Variants in PYROXD1 observed in about 807,000 individuals in gnomAD.
PYROXD1 encodes the protein pyridine nucleotide-disulphide oxidoreductase domain 1.
PYROXD1 carries 42 observed loss-of-function variants against 62.0 expected under a neutral mutation model. The observed-to-expected ratio is 0.68, with a 90% CI of 0.53 to 0.88. The LOEUF (loss-of-function observed/expected upper bound fraction) is 0.88. PYROXD1 is among the 40% of genes least tolerant of loss of function. The probability of loss-of-function intolerance (pLI) is 0.00; values close to 1 mark genes in which losing one functional copy is unlikely to be tolerated. For synonymous variants in PYROXD1, 170 were observed against 206.4 expected (o/e 0.82, Z 1.51); for missense variants, 493 against 604.8 (o/e 0.82, Z 1.94).
At chr12:21,456,181 G>T in intron 7 of PYROXD1, 86 bp downstream of exon 7, 1 of 830,584 alleles carries the variant, frequency 1.2e-6, no homozygotes, top group Non-Finnish European at 1.9e-6. Context: ...TAAATATATA[G>T]TCAACGAACT....
chr12:21,451,967 TC>T (rs1171356084), intron 4 of PYROXD1, 113 bp from the exon 5 acceptor site: 1 of 683,616 alleles, frequency 1.5e-6, no homozygotes, highest in Non-Finnish European at 2.4e-6. Context: ...TTCATTTTTT[TC>T]CTTTACAAAT....
At chr12:21,447,931 T>C (rs11046060) in intron 3 of PYROXD1, 107,801 of 229,428 alleles carry the variant, frequency 0.47, 25,950 homozygotes, top group East Asian at 0.51. Context: ...TGCAGTGAGC[T>C]GAGATCACGC....
At chr12:21,459,883 T>G (rs1942662648) in intron 7 of PYROXD1, among the ~76,000 whole-genome samples, 1 of 152,212 alleles carries the variant, frequency 6.6e-6, no homozygotes, top group Non-Finnish European at 1.5e-5. Context: ...TGAATACTCC[T>G]GTCCTATTTT....
At chr12:21,457,433 C>CT (rs202025872) in intron 7 of PYROXD1, among the ~76,000 whole-genome samples, 5,334 of 136,106 alleles carry the variant, frequency 0.039, 288 homozygotes, top group African/African-American at 0.13. Context: ...TGAAATGAAT[C>CT]TTTTTTTTTT....
intron 7 of PYROXD1, among the ~76,000 whole-genome samples, chr12:21,459,300 T>C (rs1942652664): frequency 6.6e-6 from 1 of 152,174 alleles, no homozygotes; most frequent in Admixed American, 6.5e-5. Flanking sequence ...CCAAAAGGAC[T>C]GGGTTTGGAG....
intron 3 of PYROXD1, chr12:21,447,569 A>T (rs950964248): frequency 6.0e-6 from 1 of 167,726 alleles, no homozygotes; most frequent in African/African-American, 2.4e-5. Context: ...ACAGTTTATT[A>T]TAATTTCTTT....
At chr12:21,460,425 A>C (rs867805065) in intron 7 of PYROXD1, among the ~76,000 whole-genome samples, 1 of 108,768 alleles carries the variant, frequency 9.2e-6, no homozygotes, top group Admixed American at 9.5e-5. Context: ...TATTTATTTT[A>C]TTTATTTATT....
chr12:21,445,173 T>G (rs920456789), intron 2 of PYROXD1, among the ~76,000 whole-genome samples, 174 bp from the exon 3 acceptor site: 1 of 152,228 alleles, frequency 6.6e-6, no homozygotes, highest in African/African-American at 2.4e-5. Context: ...AGCAAATATT[T>G]AAGTCTCTAA....
chr12:21,439,056 A>G (rs1184482409), intron 1 of PYROXD1, among the ~76,000 whole-genome samples: 1 of 152,206 alleles, frequency 6.6e-6, no homozygotes, highest in East Asian at 1.9e-4. Context: ...CTCATTATGA[A>G]AGAATGAGTG....
At chr12:21,440,555 TAC>T in intron 2 of PYROXD1, 107 bp downstream of exon 2, 1 of 650,938 alleles carries the variant, frequency 1.5e-6, no homozygotes, top group East Asian at 2.6e-5. Flanking sequence ...AATTGACAAG[TAC>T]AGTTATATGC....
At chr12:21,439,525 T>C (rs549319227) in intron 1 of PYROXD1, among the ~76,000 whole-genome samples, 1 of 152,182 alleles carries the variant, frequency 6.6e-6, no homozygotes, top group Non-Finnish European at 1.5e-5. Flanking sequence ...CTTAGAACTT[T>C]GGGAGGCCAA....
chr12:21,462,344 T>C (rs1167417750), intron 9 of PYROXD1, among the ~76,000 whole-genome samples: 1 of 152,202 alleles, frequency 6.6e-6, no homozygotes, highest in Non-Finnish European at 1.5e-5. Context: ...TGGTTTATAA[T>C]GTACAATTTA....
At chr12:21,451,247 C>A (rs2192176) in intron 4 of PYROXD1, among the ~76,000 whole-genome samples, 73,709 of 148,948 alleles carry the variant, frequency 0.49, 18,251 homozygotes, top group Middle Eastern at 0.59. Context: ...TTTAATATAT[C>A]TATATTTATT....
chr12:21,439,367 A>G (rs1272040083), intron 1 of PYROXD1, among the ~76,000 whole-genome samples: 2 of 152,250 alleles, frequency 1.3e-5, no homozygotes, highest in Non-Finnish European at 2.9e-5. Context: ...CTCATCTAGC[A>G]ATGGAAACAG....
chr12:21,448,153 A>G (rs1942427855), intron 3 of PYROXD1: 2 of 677,066 alleles, frequency 3.0e-6, no homozygotes, highest in South Asian at 3.0e-5. Context: ...TGGCCATCAG[A>G]TGATATCAAT....
intron 7 of PYROXD1, among the ~76,000 whole-genome samples, chr12:21,457,897 A>G (rs542016728): frequency 6.6e-6 from 1 of 152,286 alleles, no homozygotes; most frequent in South Asian, 2.1e-4. Context: ...GGCCCAAACC[A>G]TATAATGCTG....
intron 7 of PYROXD1, among the ~76,000 whole-genome samples, chr12:21,458,937 G>A (rs1182722421): frequency 6.6e-6 from 1 of 152,186 alleles, no homozygotes; most frequent in African/African-American, 2.4e-5. Context: ...TTGGAAAAAT[G>A]GCACTGATAA....
Position 21,440,429 on chromosome 12 carries a change from C to T in PYROXD1, c.146C>T (p.Ala49Val), listed in dbSNP as rs1397572810. The T allele has an allele frequency of 4.4e-6, 7 of 1,595,610 alleles. No individual in the cohort carries two copies. In the African/African-American group the frequency reaches 6.7e-5, roughly 15 times the overall value. Residue 49 changes from alanine (A) to valine (V), a missense_variant, in exon 2 of 12, where the codon GCA becomes GTA. Physicochemically the swap from Ala to Val is moderately conservative, Grantham distance 64 (BLOSUM62 0). Transcript: ENST00000240651. ...LLVTASPVIKAVTNFKQISKI... is the reference protein window; with the variant it reads ...LLVTASPVIKVVTNFKQISKI... ...GTAACAGCTTCTCCTGTTATTAAAG[C>T]AGTTACAAATTTCAAGCAGGTAAGA...
chr12:21,466,487 A>T (rs1051023018), intron 10 of PYROXD1, among the ~76,000 whole-genome samples: 2 of 152,112 alleles, frequency 1.3e-5, no homozygotes, highest in African/African-American at 4.8e-5. Context: ...GGTGTATAAG[A>T]ATGCTTGTGA....
Sources: allele counts gnomAD v4.1 joint callset (sites outside exome capture counted in the v4.1 genomes callset), GRCh38; gene constraint gnomAD v4.1.1; transcripts MANE v1.5; gene names NCBI Gene and HGNC (gene_info 2026-07-23, HGNC 2026-07-21).